Variants in MIS18A observed in about 807,000 individuals in gnomAD.
MIS18A encodes protein Mis18-alpha.
In MIS18A, 14 loss-of-function variants were observed where a neutral mutation model predicts 25.0. The ratio of observed to expected loss-of-function variants is 0.56; its 90% CI spans 0.37 to 0.88. The LOEUF (loss-of-function observed/expected upper bound fraction) is 0.88, where lower values mean the gene tolerates loss of function less well. Among genes scored for constraint, MIS18A ranks in the 40% least tolerant of loss-of-function variants. MIS18A has a pLI of 0.00. For missense variants in MIS18A, 292 were observed against 290.8 expected (o/e 1.00, Z -0.03); for synonymous variants, 134 against 118.6 (o/e 1.13, Z -0.84).
At chr21:32,181,478 T>C in the MIS18A span, among the ~76,000 whole-genome samples, 2 of 152,146 alleles carry the variant, frequency 1.3e-5, no homozygotes, top group Non-Finnish European at 1.5e-5. Flanking sequence ...CTATCTTAGT[T>C]TGAGTGAGAG....
the MIS18A span, among the ~76,000 whole-genome samples, chr21:32,185,072 A>C: frequency 2.6e-5 from 4 of 152,072 alleles, no homozygotes; most frequent in African/African-American, 9.7e-5. Flanking sequence ...ATTGCCTACG[A>C]TGTAAGTACC....
the MIS18A span, among the ~76,000 whole-genome samples, chr21:32,258,639 C>T: frequency 9.2e-5 from 14 of 152,186 alleles, no homozygotes; most frequent in South Asian, 4.2e-4. Flanking sequence ...AAAATGACTA[C>T]GGTACTCAGC....
At chr21:32,201,865 C>T in the MIS18A span, among the ~76,000 whole-genome samples, 1 of 151,938 alleles carries the variant, frequency 6.6e-6, no homozygotes, top group Non-Finnish European at 1.5e-5. Flanking sequence ...AAAATCCTTG[C>T]AACACAGGAA....
chr21:32,188,306 T>C, the MIS18A span, among the ~76,000 whole-genome samples: 2 of 152,246 alleles, frequency 1.3e-5, no homozygotes, highest in East Asian at 3.8e-4. Context: ...ACTCACAGCA[T>C]TGGCAGTAGC....
At chr21:32,188,137 C>T in the MIS18A span, among the ~76,000 whole-genome samples, 2 of 152,212 alleles carry the variant, frequency 1.3e-5, no homozygotes, top group African/African-American at 4.8e-5. Flanking sequence ...CTTGGACTTC[C>T]AGCCTCCAGA....
the MIS18A span, among the ~76,000 whole-genome samples, chr21:32,191,897 C>T: frequency 6.6e-6 from 1 of 151,494 alleles, no homozygotes; most frequent in Non-Finnish European, 1.5e-5. Flanking sequence ...AAGAGTGAAA[C>T]TTCATCTCAA....
chr21:32,189,596 C>T, the MIS18A span, among the ~76,000 whole-genome samples: 1 of 152,222 alleles, frequency 6.6e-6, no homozygotes, highest in Non-Finnish European at 1.5e-5. Flanking sequence ...ATGCTTTGTA[C>T]TTTGCCATGA....
chr21:32,196,582 G>A, the MIS18A span, among the ~76,000 whole-genome samples: 2,711 of 151,348 alleles, frequency 0.018, 86 homozygotes, highest in African/African-American at 0.062. Flanking sequence ...AGCATCCCAA[G>A]TAGTTGGGAC....
the MIS18A span, among the ~76,000 whole-genome samples, chr21:32,243,450 T>C: frequency 6.6e-6 from 1 of 152,150 alleles, no homozygotes; most frequent in Non-Finnish European, 1.5e-5. Flanking sequence ...TACCAAATGG[T>C]ATATATATGT....
At chr21:32,158,339 T>A in the MIS18A span, among the ~76,000 whole-genome samples, 1 of 152,210 alleles carries the variant, frequency 6.6e-6, no homozygotes, top group Admixed American at 6.5e-5. Context: ...TTATAGAATT[T>A]AAAAATTTTT....
At chr21:32,216,806 T>A in the MIS18A span, among the ~76,000 whole-genome samples, 1 of 152,090 alleles carries the variant, frequency 6.6e-6, no homozygotes, top group Non-Finnish European at 1.5e-5. Flanking sequence ...ATACAGAACC[T>A]CTCAGCAAAA....
At chr21:32,258,596 C>T in the MIS18A span, among the ~76,000 whole-genome samples, 2 of 152,114 alleles carry the variant, frequency 1.3e-5, no homozygotes, top group Non-Finnish European at 2.9e-5. Flanking sequence ...TGATACTAAC[C>T]TACTTTACAG....
downstream of MIS18A, among the ~76,000 whole-genome samples, chr21:32,263,752 A>T (rs886608490): frequency 6.6e-6 from 1 of 151,942 alleles, no homozygotes; most frequent in Non-Finnish European, 1.5e-5. Flanking sequence ...GTCAAACAGT[A>T]TAAAAGGAAT....
chr21:32,218,304 A>T, the MIS18A span, among the ~76,000 whole-genome samples: 1 of 152,160 alleles, frequency 6.6e-6, no homozygotes, highest in Non-Finnish European at 1.5e-5. Context: ...GATAAGACAC[A>T]AAATAGTAAC....
At chr21:32,187,144 G>A in the MIS18A span, among the ~76,000 whole-genome samples, 1 of 152,118 alleles carries the variant, frequency 6.6e-6, no homozygotes, top group African/African-American at 2.4e-5. Flanking sequence ...TAAAGGGAAG[G>A]GCTAATAAAT....
chr21:32,199,413 A>G, the MIS18A span, among the ~76,000 whole-genome samples: 1 of 152,112 alleles, frequency 6.6e-6, no homozygotes, highest in Non-Finnish European at 1.5e-5. Context: ...AAATCATAAA[A>G]TATTTTGCCT....
At chr21:32,265,895 A>G (rs1271309237), downstream of MIS18A, among the ~76,000 whole-genome samples, 5 of 151,360 alleles carry the variant, frequency 3.3e-5, no homozygotes, top group South Asian at 2.1e-4. Context: ...GAGTGCACCA[A>G]TCGGCACTCT....
the MIS18A span, among the ~76,000 whole-genome samples, chr21:32,255,845 C>T: frequency 0.016 from 2,487 of 151,036 alleles, 70 homozygotes; most frequent in African/African-American, 0.055. Flanking sequence ...GAGCCAAGAA[C>T]GTGCCACCGC....
intron 1 of MIS18A, 131 bp downstream of exon 1, chr21:32,278,548 ACT>A: frequency 1.0e-6 from 1 of 961,556 alleles, no homozygotes; most frequent in East Asian, 2.8e-5. Flanking sequence ...CACAGCTCAC[ACT>A]CTCAGACTTT....
Sources: gnomAD v4.1 joint callset for allele counts (sites outside exome capture counted in the v4.1 genomes callset) on GRCh38, gnomAD v4.1.1 for gene constraint, MANE v1.5 for transcripts, NCBI Gene and HGNC (gene_info 2026-07-23, HGNC 2026-07-21) for gene names.